KHK: variants seen among roughly 807,000 people sequenced by gnomAD.
KHK encodes the protein fructokinase.
KHK carries 37 observed loss-of-function variants against 36.0 expected under a neutral mutation model. The observed-to-expected ratio is 1.03, with a 90% CI of 0.79 to 1.35. The LOEUF is 1.35. Among genes scored for constraint, KHK ranks in the 40% most tolerant of loss-of-function variants. KHK has a pLI of 0.00. For synonymous variants in KHK, 161 were observed against 162.8 expected (o/e 0.99, Z 0.08); for missense variants, 395 against 391.9 (o/e 1.01, Z -0.07).
At position 27,099,198 on chromosome 2, in the gene KHK, G is replaced by A. The variant is rs752084120; in HGVS notation, c.567G>A (p.Val189=). Residue 189 remains valine (V), a splice_region_variant and synonymous_variant, in exon 6 of 8, where the codon GTG becomes GTA. Transcript: ENST00000260598. The stretch of plus-strand genomic sequence containing the variant: ...AGCTTCTCTTCCACTGCCCACAGGT[G>A]TTTGTCAGCAAAGATGTGGCCAAGC... ...LFQLFGYGDV[V]FVSKDVAKHL... is the part of the protein sequence containing the mutation. 4.2e-5 allele frequency: 68 copies of A among 1,614,024 alleles called. 2 individuals carry two copies. In the South Asian group the frequency reaches 7.4e-4, roughly 17 times the overall value.
Position 27,090,897 on chromosome 2 carries a change from A to T in KHK, c.93-1435A>T, listed in dbSNP as rs183471193. Among the ~76,000 whole-genome samples, 4 of 151,976 alleles carry T rather than the reference A, an allele frequency of 2.6e-5. No individual in the cohort carries two copies. In the East Asian group the frequency reaches 6.0e-4, roughly 23 times the overall value. On this transcript the variant is annotated intron_variant, in intron 1 of 7. Transcript: ENST00000260598. ...AAGAAGATGCCATCTCTACGAAAAA[A>T]TTTTTTAAATTAGCGGGGCATGGTG...
chr2:27,087,352 GTAGGGGCGCCCAGGTCCCC>G lies in KHK; in HGVS notation c.92+8_92+26del. On this transcript the variant is annotated splice_donor_variant and splice_donor_5th_base_variant and intron_variant, in intron 1 of 7. Transcript: ENST00000260598. LOFTEE classifies it high-confidence loss of function. ...ACCCTAAGGAGGACTCGGAGATAAG[GTAGGGGCGCCCAGGTCCCC>G]TAGGGGACCCCAGGGGCTGCTGCAG... is the stretch of plus-strand genomic sequence containing the variant. The G allele has an allele frequency of 6.3e-7, 1 of 1,582,416 alleles. No homozygotes were observed.
At chr2:27,092,185 T>C in intron 1 of KHK, 147 bp from the exon 2 acceptor site, 1 of 754,024 alleles carries the variant, frequency 1.3e-6, no homozygotes, top group South Asian at 1.4e-5. Context: ...TTGGCCGGCC[T>C]CGGCTGCCCC....
Position 27,086,939 on chromosome 2 carries a change from A to T in KHK, c.-321A>T. 1 of 300,596 alleles carries T rather than the reference A, an allele frequency of 3.3e-6. No homozygotes were observed. The highest frequency in any genetic ancestry group is 2.1e-5 in the African/African-American group (1 of 46,788). 18.6% of individuals were successfully genotyped at this position (300,596 alleles called of 1,614,324 possible). On this transcript the variant is annotated 5_prime_UTR_variant, in exon 1 of 8. Coordinates refer to ENST00000260598, the MANE Select transcript of KHK (RefSeq NM_006488.3). ...TTTGCATCAGCTGTGAGTCCATCTG[A>T]CAAGCGAGGAAACTAAGGCTGAGAA...
Position 27,092,346 on chromosome 2 carries a change from G to A in KHK, c.107G>A (p.Arg36Lys). ...EDSEIRCLSQ[R>K]WQRGGNASNS... ...GTGCTTTGCAGGTGTTTGTCCCAGA[G>A]ATGGCAGCGCGGAGGCAACGCGTCC... The change falls in exon 2 of 8, where the codon AGA becomes AAA. Residue 36 changes from arginine to lysine, a missense_variant. By Grantham distance (26) the Arg-to-Lys change is conservative (BLOSUM62 2). Transcript: ENST00000260598. The A allele has an allele frequency of 6.2e-7, 1 of 1,613,068 alleles. No homozygotes were observed. Among genetic ancestry groups the A allele is most frequent in the South Asian group, 1.1e-5 (1 of 91,088 alleles).
At position 27,100,486 on chromosome 2, in the gene KHK, T is replaced by C. The variant is rs1030217877; in HGVS notation, c.*736T>C. 1 of 1,290,548 alleles carries C rather than the reference T, an allele frequency of 7.7e-7. No individual in the cohort carries two copies. The highest frequency in any genetic ancestry group is 2.3e-5 in the Admixed American group (1 of 43,494). 79.9% of individuals were successfully genotyped at this position (1,290,548 alleles called of 1,614,324 possible). On this transcript the variant is annotated 3_prime_UTR_variant, in exon 8 of 8. Transcript: ENST00000260598. ...CAGAGTGTTGCTGTCCTCAGGGAGG[T>C]CCGATCTGGAACACATATTGGAATT...
rs56773967 is a variant in KHK at position 27,099,058 on chromosome 2, C to T, written c.565-138C>T. 337 of 830,424 alleles carry T rather than the reference C, an allele frequency of 4.1e-4. No homozygotes were observed. The African/African-American group carries it at 4.9e-3, about 12-fold the overall frequency. The allele number at this position is 830,424 out of a possible 1,614,324, so 51.4% of individuals were successfully genotyped here. A position where few individuals can be genotyped will look rare whatever the true frequency, so the allele number is the denominator to read the frequency against. ...TAAAGAAAAAAGAAAACCACGTTCC[C>T]GTGGGACAGTGAGATGCTACGTTGG... On this transcript the variant is annotated intron_variant, in intron 5 of 7. Transcript: ENST00000260598.
rs549258222 is a variant in KHK at position 27,089,977 on chromosome 2, C to T, written c.93-2355C>T. On this transcript the variant is annotated intron_variant, in intron 1 of 7. Transcript: ENST00000260598. The stretch of plus-strand genomic sequence containing the variant: ...AAGCAATTCTCCTGCCTCAGCATCC[C>T]GAGTAGCTGGGATTACAGGCATGTG... 6.8e-4 allele frequency among the ~76,000 whole-genome samples: 104 copies of T among 152,300 alleles called. 1 individual carries two copies. The highest frequency in any genetic ancestry group is 2.3e-3 in the African/African-American group (94 of 41,566).
intron 1 of KHK, among the ~76,000 whole-genome samples, chr2:27,089,969 C>T (rs1299933588): frequency 1.3e-5 from 2 of 152,250 alleles, no homozygotes; most frequent in Non-Finnish European, 2.9e-5. Context: ...TCTCCTGCCT[C>T]AGCATCCCGA....
intron 5 of KHK, 135 bp downstream of exon 5, chr2:27,097,784 G>A (rs1342866871): frequency 7.7e-7 from 1 of 1,291,414 alleles, no homozygotes; most frequent in African/African-American, 1.5e-5. Flanking sequence ...ATGGGGGATG[G>A]GGGTTAAAGC....
At chr2:27,097,367 T>C in intron 4 of KHK, 136 bp from the exon 5 acceptor site, 3 of 1,049,940 alleles carry the variant, frequency 2.9e-6, no homozygotes, top group Non-Finnish European at 4.3e-6. Context: ...CTGAATGTTG[T>C]AATTTAGGAT....
chr2:27,099,384 T>C, intron 6 of KHK, 36 bp from the exon 7 acceptor site: 3 of 1,611,172 alleles, frequency 1.9e-6, no homozygotes, highest in South Asian at 1.1e-5. Flanking sequence ...GGGGACGGGG[T>C]GGGCTAACAC....
chr2:27,090,452 C>CTTTTTTT (rs559420015), intron 1 of KHK, among the ~76,000 whole-genome samples: 10 of 110,124 alleles, frequency 9.1e-5, no homozygotes, highest in African/African-American at 1.7e-4. Context: ...TTTTTTCTTT[C>CTTTTTTT]TTTTTTTTTT....
At chr2:27,095,088 T>C (rs1344369093) in intron 3 of KHK, among the ~76,000 whole-genome samples, 154 bp downstream of exon 3, 1 of 152,218 alleles carries the variant, frequency 6.6e-6, no homozygotes, top group Non-Finnish European at 1.5e-5. Context: ...GATTTCCTAA[T>C]TGCTTTCAAT....
chr2:27,087,488 G>A, intron 1 of KHK, 137 bp downstream of exon 1: 3 of 583,302 alleles, frequency 5.1e-6, no homozygotes, highest in South Asian at 2.3e-5. Flanking sequence ...CCCTCTACCC[G>A]GGAATCCTGG....
intron 3 of KHK, 144 bp downstream of exon 3, chr2:27,095,078 G>A: frequency 1.0e-6 from 1 of 958,192 alleles, no homozygotes; most frequent in Non-Finnish European, 1.6e-6. Flanking sequence ...AATGTCCAGT[G>A]ATTTCCTAAT....
chr2:27,087,252 G>A lies in KHK; in HGVS notation c.-8G>A. The stretch of plus-strand genomic sequence containing the variant: ...GCCGGGCGGGCAGGAAGCTCTGGGA[G>A]TAGCCTCATGGAAGAGAAGCAGATC... On this transcript the variant is annotated 5_prime_UTR_variant, in exon 1 of 8. Transcript: ENST00000260598. The A allele has an allele frequency of 6.3e-7, 1 of 1,580,830 alleles. No individual in the cohort carries two copies. The highest frequency in any genetic ancestry group is 1.2e-5 in the South Asian group (1 of 86,460).
rs3769141 is a variant in KHK at position 27,099,930 on chromosome 2, G to C, written c.*180G>C. 3.7e-6 allele frequency: 5 copies of C among 1,368,568 alleles called. No homozygotes were observed. In the East Asian group the frequency reaches 1.2e-4, roughly 34 times the overall value. 84.8% of individuals were successfully genotyped at this position (1,368,568 alleles called of 1,614,324 possible). On this transcript the variant is annotated 3_prime_UTR_variant, in exon 8 of 8. Transcript: ENST00000260598. ...AGAGGCTCTGGGGGGATGGCTGGGG[G>C]ATGCAGAGCCTCAGAGCAAATAAAT... is the stretch of plus-strand genomic sequence containing the variant.
At chr2:27,089,843 T>C (rs932902753) in intron 1 of KHK, among the ~76,000 whole-genome samples, 11 of 152,230 alleles carry the variant, frequency 7.2e-5, no homozygotes, top group Non-Finnish European at 1.6e-4. Context: ...GCCAGACCCC[T>C]GGGACGTGTC....
Sources: gnomAD v4.1 joint callset for allele counts (sites outside exome capture counted in the v4.1 genomes callset) on GRCh38, gnomAD v4.1.1 for gene constraint, MANE v1.5 for transcripts, NCBI Gene and HGNC (gene_info 2026-07-23, HGNC 2026-07-21) for gene names.